Variants in SLC30A8 observed in about 807,000 individuals in gnomAD.
The protein encoded by SLC30A8 is solute carrier family 30 member 8, also known as proton-coupled zinc antiporter SLC30A8.
In SLC30A8, 27 loss-of-function variants were observed where a neutral mutation model predicts 36.9. That is an observed-to-expected ratio of 0.73 (90% CI 0.54 to 1.01). The LOEUF (loss-of-function observed/expected upper bound fraction) is 1.01. Among genes scored for constraint, SLC30A8 ranks in the 50% least tolerant of loss-of-function variants. SLC30A8 has a pLI of 0.00. For synonymous variants in SLC30A8, 164 were observed against 172.4 expected, an observed-to-expected ratio of 0.95 and a Z score of 0.38; for missense variants, 439 against 452.0, an observed-to-expected ratio of 0.97 and a Z score of 0.26.
intron 2 of SLC30A8, chr8:117,056,111 A>G (rs1817862069): frequency 6.6e-6 from 1 of 152,204 alleles, no homozygotes; most frequent in South Asian, 2.1e-4. Context: ...TAACTCCTCC[A>G]GTAAAGATGG....
intron 1 of SLC30A8, among the ~76,000 whole-genome samples, chr8:116,992,181 A>G (rs1815667652): frequency 6.6e-6 from 1 of 152,188 alleles, no homozygotes; most frequent in Non-Finnish European, 1.5e-5. Flanking sequence ...AAGGTGACAA[A>G]GCCGAGAAAA....
At chr8:117,101,668 C>T (rs746820064) in intron 2 of SLC30A8, among the ~76,000 whole-genome samples, 53 of 152,068 alleles carry the variant, frequency 3.5e-4, no homozygotes, top group Non-Finnish European at 7.1e-4. Context: ...GCAGACCCAC[C>T]CTCAATCTAG....
intron 4 of SLC30A8, among the ~76,000 whole-genome samples, chr8:117,158,610 A>C (rs1822622112): frequency 6.6e-6 from 1 of 152,254 alleles, no homozygotes; most frequent in African/African-American, 2.4e-5. Context: ...TCATTCTTAC[A>C]GGAGATGAGC....
intron 1 of SLC30A8, among the ~76,000 whole-genome samples, chr8:117,135,828 T>A (rs1821335846): frequency 6.6e-6 from 1 of 152,108 alleles, no homozygotes; most frequent in Non-Finnish European, 1.5e-5. Context: ...GCTTATAAAG[T>A]ATCATTATTA....
At chr8:117,145,534 A>T (rs982743380) in intron 1 of SLC30A8, among the ~76,000 whole-genome samples, 4 of 152,066 alleles carry the variant, frequency 2.6e-5, no homozygotes. Context: ...ATATATTGTT[A>T]GTTTTGTTTG....
At chr8:117,139,786 T>C (rs1414706421) in intron 1 of SLC30A8, among the ~76,000 whole-genome samples, 3 of 149,826 alleles carry the variant, frequency 2.0e-5, no homozygotes, top group South Asian at 2.1e-4. Context: ...AAAGACTGCA[T>C]CTACCCAATG....
intron 2 of SLC30A8, among the ~76,000 whole-genome samples, chr8:117,115,373 C>T (rs1820402562): frequency 6.6e-6 from 1 of 152,028 alleles, no homozygotes; most frequent in African/African-American, 2.4e-5. Flanking sequence ...CCTCTTTTCT[C>T]CCATCAATCT....
At chr8:117,137,645 C>CG (rs1821423831) in intron 1 of SLC30A8, among the ~76,000 whole-genome samples, 1 of 151,818 alleles carries the variant, frequency 6.6e-6, no homozygotes, top group Admixed American at 6.6e-5. Flanking sequence ...TTGCCTGGGG[C>CG]GGGGGTCTTA....
intron 1 of SLC30A8, among the ~76,000 whole-genome samples, chr8:117,037,663 A>G (rs1180865033): frequency 1.3e-5 from 2 of 152,208 alleles, no homozygotes; most frequent in Non-Finnish European, 2.9e-5. Context: ...CTGGAGGAAT[A>G]GGGGTTAAAA....
chr8:116,955,556 C>T (rs1814163689), intron 1 of SLC30A8, among the ~76,000 whole-genome samples: 1 of 151,918 alleles, frequency 6.6e-6, no homozygotes, highest in Non-Finnish European at 1.5e-5. Context: ...GGGGTGAAAC[C>T]TTGTCTCTAC....
At chr8:116,964,493 C>G (rs376575432) in intron 1 of SLC30A8, among the ~76,000 whole-genome samples, 1 of 152,170 alleles carries the variant, frequency 6.6e-6, no homozygotes, top group Non-Finnish European at 1.5e-5. Flanking sequence ...GCAGCCAGCT[C>G]CTATTACATA....
At chr8:117,008,569 A>G (rs1176314699) in intron 1 of SLC30A8, among the ~76,000 whole-genome samples, 6 of 152,214 alleles carry the variant, frequency 3.9e-5, no homozygotes, top group African/African-American at 7.2e-5. Context: ...TTGATATGTC[A>G]AATGGTCAAG....
intron 2 of SLC30A8, among the ~76,000 whole-genome samples, chr8:117,041,518 G>A (rs1413530154): frequency 6.6e-6 from 1 of 151,884 alleles, no homozygotes; most frequent in South Asian, 2.1e-4. Flanking sequence ...TGAAACCCCC[G>A]TCTCTACTAA....
rs926149634 is a variant in SLC30A8, at chr8:117,147,058, C to CCA, written c.179_180dup (p.Glu61GlnfsTer26). The CCA allele has an allele frequency of 3.1e-6, 5 of 1,613,972 alleles. No individual in the cohort carries two copies. In the African/African-American group the frequency reaches 6.7e-5, roughly 22 times the overall value. On this transcript the variant is annotated frameshift_variant, in exon 2 of 8. Coordinates refer to ENST00000456015, the MANE Select transcript of SLC30A8 (RefSeq NM_173851.3). LOFTEE classifies it high-confidence loss of function. ...TACCACTGCCACAGTGGCTCCAAGC[C>CCA]CACAGAAAAGGGGGCGAATGAGTAC... is the stretch of plus-strand genomic sequence containing the variant.
At chr8:117,008,843 T>C (rs1249332705) in intron 1 of SLC30A8, among the ~76,000 whole-genome samples, 3 of 152,208 alleles carry the variant, frequency 2.0e-5, no homozygotes, top group Non-Finnish European at 4.4e-5. Context: ...TTAGTTTCTA[T>C]TTCTTCTTAA....
intron 1 of SLC30A8, among the ~76,000 whole-genome samples, chr8:116,972,203 T>C (rs902677207): frequency 3.3e-5 from 5 of 152,218 alleles, no homozygotes; most frequent in African/African-American, 1.2e-4. Context: ...ATTAGAAATA[T>C]CATGCAACAT....
In SLC30A8 at chr8:117,171,076, T is replaced by C. The variant is rs1204842338; in HGVS notation, c.872T>C (p.Ile291Thr). 1 of 1,611,976 alleles carries C rather than the reference T, an allele frequency of 6.2e-7. No homozygotes were observed. Among genetic ancestry groups the C allele is most frequent in the Non-Finnish European group, 8.5e-7 (1 of 1,179,006 alleles). ...AATTACAGTGGTGTGAAAGAGCTTATTTTAGCAGTCGACGGGGTGCTGTCT... is the reference window on the plus strand; with the variant it reads ...AATTACAGTGGTGTGAAAGAGCTTACTTTAGCAGTCGACGGGGTGCTGTCT... ...SLNYSGVKELILAVDGVLSVH... is the reference protein window; with the variant it reads ...SLNYSGVKELTLAVDGVLSVH... Residue 291 changes from isoleucine to threonine, a missense_variant, in exon 7 of 8, where the codon ATT becomes ACT. Physicochemically the swap from Ile to Thr is moderately conservative, Grantham distance 89. Transcript: ENST00000456015.
chr8:117,067,576 A>G (rs528616632), intron 2 of SLC30A8, among the ~76,000 whole-genome samples: 1 of 152,270 alleles, frequency 6.6e-6, no homozygotes, highest in Non-Finnish European at 1.5e-5. Context: ...TAGTCCATAC[A>G]ATCTAAAGTG....
intron 1 of SLC30A8, among the ~76,000 whole-genome samples, chr8:116,959,802 G>A (rs748920425): frequency 1.2e-4 from 18 of 152,160 alleles, no homozygotes; most frequent in Non-Finnish European, 2.2e-4. Context: ...TGAAGACTGG[G>A]TTTCCTTTAG....
Sources: gnomAD v4.1 joint callset for allele counts (sites outside exome capture counted in the v4.1 genomes callset) on GRCh38, gnomAD v4.1.1 for gene constraint, MANE v1.5 for transcripts, NCBI Gene and HGNC (gene_info 2026-07-23, HGNC 2026-07-21) for gene names.